The following PRORP variants were observed in gnomAD, a reference collection of about 807,000 sequenced individuals.
The protein encoded by PRORP is protein only RNase P catalytic subunit.
Under a neutral mutation model 59.4 loss-of-function variants are expected in PRORP, and 51 were observed. That is an observed-to-expected ratio of 0.86 (90% CI 0.69 to 1.08). The LOEUF is 1.08. PRORP is among the 50% of genes least tolerant of loss of function. The pLI is 0.00. For synonymous variants in PRORP, 231 were observed against 245.6 expected, an observed-to-expected ratio of 0.94 and a Z score of 0.55; for missense variants, 646 against 690.3, an observed-to-expected ratio of 0.94 and a Z score of 0.72.
chr14:35,170,961 T>G lies in PRORP; in HGVS notation c.1168-9709T>G, dbSNP rs138690227. 5.1e-3 allele frequency among the ~76,000 whole-genome samples: 772 copies of G among 152,214 alleles called. 5 individuals are homozygous for G. The highest frequency in any genetic ancestry group is 8.8e-3 in the Non-Finnish European group (597 of 67,998). On this transcript the variant is annotated intron_variant, in intron 4 of 7. Transcript: ENST00000534898. ...GCCTCCCCGGTTCAAGCAATTCTTCTGCCTCAGACTCCCGAGTAGCTGGGA... is the reference window on the plus strand; with the variant it reads ...GCCTCCCCGGTTCAAGCAATTCTTCGGCCTCAGACTCCCGAGTAGCTGGGA...
intron 5 of PRORP, among the ~76,000 whole-genome samples, chr14:35,236,901 C>G (rs954268393): frequency 3.0e-4 from 45 of 151,722 alleles, no homozygotes; most frequent in African/African-American, 1.1e-3. Flanking sequence ...AATTATTTCT[C>G]TCTCTCTCTC....
At chr14:35,236,924 T>C (rs1595360676) in intron 5 of PRORP, among the ~76,000 whole-genome samples, 1 of 150,040 alleles carries the variant, frequency 6.7e-6, no homozygotes, top group East Asian at 1.9e-4. Context: ...CTTCTTTCTT[T>C]CTCTCTCTTT....
At position 35,266,711 on chromosome 14, in the gene PRORP, G is replaced by C. The variant is rs181760228; in HGVS notation, c.1276-16G>C. On this transcript the variant is annotated splice_polypyrimidine_tract_variant and intron_variant, in intron 5 of 7. Transcript: ENST00000534898. ...CTTCCCTTGAACTTTTGTGGTTCTGGCTTTGTGTTTTTTAGCTCTTGAATG... is the reference window on the plus strand; with the variant it reads ...CTTCCCTTGAACTTTTGTGGTTCTGCCTTTGTGTTTTTTAGCTCTTGAATG... The C allele has an allele frequency of 6.2e-7, 1 of 1,612,522 alleles. No individual in the cohort carries two copies. The highest frequency in any genetic ancestry group is 8.5e-7 in the Non-Finnish European group (1 of 1,179,362).
chr14:35,208,972 A>G (rs2049365603), intron 5 of PRORP, among the ~76,000 whole-genome samples: 1 of 152,158 alleles, frequency 6.6e-6, no homozygotes. Flanking sequence ...CAGAGGTTGC[A>G]GTGAGCCGAG....
intron 6 of PRORP, among the ~76,000 whole-genome samples, chr14:35,267,710 G>A (rs904289854): frequency 2.0e-5 from 3 of 152,032 alleles, no homozygotes; most frequent in African/African-American, 7.2e-5. Context: ...GAACCCGGGA[G>A]GCGGAGCTTG....
At chr14:35,204,089 A>C (rs193182357) in intron 5 of PRORP, among the ~76,000 whole-genome samples, 22 of 152,238 alleles carry the variant, frequency 1.4e-4, no homozygotes, top group African/African-American at 3.9e-4. Context: ...ACCACAAAAA[A>C]CTTCCTGTGG....
chr14:35,245,919 T>C (rs2050470953), intron 5 of PRORP, among the ~76,000 whole-genome samples: 2 of 152,156 alleles, frequency 1.3e-5, no homozygotes, highest in African/African-American at 4.8e-5. Flanking sequence ...GGAGGTAAAA[T>C]TTTTATGAGT....
intron 5 of PRORP, among the ~76,000 whole-genome samples, chr14:35,258,015 T>C (rs1221653841): frequency 6.6e-6 from 1 of 151,944 alleles, no homozygotes. Flanking sequence ...GAACTACTTT[T>C]CATCAGTTTT....
intron 7 of PRORP, among the ~76,000 whole-genome samples, chr14:35,271,244 C>T (rs1352807222): frequency 4.0e-5 from 6 of 149,362 alleles, no homozygotes; most frequent in Admixed American, 6.7e-5. Context: ...CTACAGCCTC[C>T]GCCTCCCAGG....
intron 4 of PRORP, among the ~76,000 whole-genome samples, chr14:35,168,600 TA>T (rs887483278): frequency 6.6e-6 from 1 of 151,116 alleles, no homozygotes. Flanking sequence ...GACCTCAACT[TA>T]AAAAAAAATA....
intron 7 of PRORP, among the ~76,000 whole-genome samples, chr14:35,273,037 G>GTTGTT (rs1555334303): frequency 3.9e-5 from 6 of 152,050 alleles, no homozygotes; most frequent in South Asian, 2.1e-4. Flanking sequence ...TGTTGTTGTT[G>GTTGTT]TTGTTTTGTT....
chr14:35,171,907 A>G (rs2048320383), intron 4 of PRORP, among the ~76,000 whole-genome samples: 1 of 151,500 alleles, frequency 6.6e-6, no homozygotes, highest in African/African-American at 2.4e-5. Context: ...GCCATCTCCA[A>G]TCTGCTGTTA....
At chr14:35,261,660 C>T (rs1309715261) in intron 5 of PRORP, among the ~76,000 whole-genome samples, 4 of 151,798 alleles carry the variant, frequency 2.6e-5, no homozygotes, top group Non-Finnish European at 2.9e-5. Flanking sequence ...ACCCAGGAGG[C>T]GGAGGTTGCA....
chr14:35,133,078 C>T (rs1011225093), intron 4 of PRORP, among the ~76,000 whole-genome samples: 3 of 151,960 alleles, frequency 2.0e-5, no homozygotes, highest in African/African-American at 7.2e-5. Context: ...CACGTCACCA[C>T]GCCCAGCTAA....
chr14:35,124,701 G>A (rs1451389648), intron 2 of PRORP, among the ~76,000 whole-genome samples: 1 of 145,540 alleles, frequency 6.9e-6, no homozygotes, highest in African/African-American at 2.6e-5. Context: ...GTTTTCTTAG[G>A]CATCTAGTAT....
chr14:35,251,325 A>G (rs1196986623), intron 5 of PRORP, among the ~76,000 whole-genome samples: 1 of 152,204 alleles, frequency 6.6e-6, no homozygotes, highest in East Asian at 1.9e-4. Flanking sequence ...ACAAGTTTAT[A>G]GCAGCACAGT....
chr14:35,131,606 G>A (rs2047240422), intron 4 of PRORP, among the ~76,000 whole-genome samples: 1 of 150,604 alleles, frequency 6.6e-6, no homozygotes, highest in Non-Finnish European at 1.5e-5. Flanking sequence ...TCGGCTCACT[G>A]CAACCTCCAC....
At chr14:35,263,470 T>A (rs2050958212) in intron 5 of PRORP, among the ~76,000 whole-genome samples, 2 of 152,178 alleles carry the variant, frequency 1.3e-5, no homozygotes, top group South Asian at 4.1e-4. Context: ...GTGGATCACC[T>A]GAGGTCAGGA....
intron 6 of PRORP, 76 bp downstream of exon 6, chr14:35,266,951 CTA>C (rs1469050862): frequency 2.5e-5 from 37 of 1,474,382 alleles, no homozygotes; most frequent in Non-Finnish European, 3.4e-5. Context: ...TACTTTAAAC[CTA>C]TCTTTTAAAT....
Sources: gnomAD v4.1 joint callset for allele counts (sites outside exome capture counted in the v4.1 genomes callset) on GRCh38, gnomAD v4.1.1 for gene constraint, MANE v1.5 for transcripts, NCBI Gene and HGNC (gene_info 2026-07-23, HGNC 2026-07-21) for gene names.